RPGRIP1L: variants seen among roughly 807,000 people sequenced by gnomAD.
The protein encoded by RPGRIP1L is protein fantom.
A neutral mutation model predicts 160.4 loss-of-function variants in RPGRIP1L; 131 were observed. The ratio of observed to expected loss-of-function variants is 0.82; its 90% CI spans 0.71 to 0.94. The LOEUF is 0.94. RPGRIP1L is among the 40% of genes least tolerant of loss of function. The pLI, the probability that RPGRIP1L is intolerant of heterozygous loss-of-function variation, is 0.00. For missense variants in RPGRIP1L, 1,522 were observed against 1,535.8 expected (o/e 0.99, Z 0.15); for synonymous variants, 510 against 515.8 (o/e 0.99, Z 0.15).
In RPGRIP1L at chr16:53,692,089, C is replaced by A. The variant is rs576414226; in HGVS notation, c.506G>T (p.Gly169Val). 1 of 1,614,032 alleles carries A rather than the reference C, an allele frequency of 6.2e-7. No homozygotes were observed. Among genetic ancestry groups the A allele is most frequent in the African/African-American group, 1.3e-5 (1 of 74,996 alleles). ...TGRRKANENA[G>V]LQECPRKGIK... ...ACCTTTCCTGGGGCATTCCTGTAAA[C>A]CAGCATTTTCATTTGCTTTTCTACG... The change falls in exon 4 of 27, where the codon GGT (glycine) becomes GTT (valine). Residue 169 changes from glycine (G) to valine (V), a missense_variant. Physicochemically the swap from Gly to Val is moderately radical, Grantham distance 109. Transcript: ENST00000647211.
rs773558676 is a variant in RPGRIP1L, at chr16:53,696,241, C to G, written c.140G>C (p.Arg47Pro). 1.2e-6 allele frequency: 2 copies of G among 1,614,020 alleles called. No homozygotes were observed. Among genetic ancestry groups the G allele is most frequent in the Non-Finnish European group, 1.7e-6 (2 of 1,179,964 alleles). ...KSRQAVSRVS[R>P]EELEDRFLRL... ...CAAAAATCTGTCTTCCAGTTCCTCA[C>G]GACTGACACGTGACACTGCCTGGCG... The change falls in exon 3 of 27, where the codon CGT (arginine) becomes CCT (proline). Residue 47 changes from arginine (R) to proline (P), a missense_variant. Coordinates refer to ENST00000647211, the MANE Select transcript of RPGRIP1L (RefSeq NM_015272.5).
chr16:53,656,557 T>A lies in RPGRIP1L; in HGVS notation c.1614A>T (p.Glu538Asp). ...MEVEAVTRKM[E>D]NLQQDYELKV... The stretch of plus-strand genomic sequence containing the variant: ...TGAGTTCATAATCTTGCTGCAAATT[T>A]TCCATCTTACGGGTCACTGCCTCAA... Residue 538 changes from glutamate (E) to aspartate (D), a missense_variant, in exon 14 of 27, where the codon GAA (glutamate) becomes GAT (aspartate). By Grantham distance (45) the Glu-to-Asp change is conservative. Coordinates refer to ENST00000647211, the MANE Select transcript of RPGRIP1L (RefSeq NM_015272.5). The A allele has an allele frequency of 6.2e-7, 1 of 1,613,956 alleles. No homozygotes were observed. Among genetic ancestry groups the A allele is most frequent in the Non-Finnish European group, 8.5e-7 (1 of 1,179,864 alleles).
At chr16:53,672,232 A>C (rs1968793458) in intron 8 of RPGRIP1L, among the ~76,000 whole-genome samples, 1 of 152,158 alleles carries the variant, frequency 6.6e-6, no homozygotes, top group African/African-American at 2.4e-5. Flanking sequence ...TTTATTCATA[A>C]GTATATTTTG....
chr16:53,666,149 A>C (rs1968229253), intron 9 of RPGRIP1L, among the ~76,000 whole-genome samples: 1 of 152,200 alleles, frequency 6.6e-6, no homozygotes, highest in Admixed American at 6.5e-5. Flanking sequence ...ACTAGTCTTC[A>C]GTTTTTATCC....
Position 53,692,355 on chromosome 16 carries a change from G to C in RPGRIP1L, c.240C>G (p.Thr80=), listed in dbSNP as rs368894452. 3.1e-6 allele frequency: 5 copies of C among 1,613,910 alleles called. No individual in the cohort carries two copies. The highest frequency in any genetic ancestry group is 1.7e-5 in the Admixed American group (1 of 60,016). Residue 80 remains threonine, a synonymous_variant, in exon 4 of 27, where the codon ACC becomes ACG. Coordinates refer to ENST00000647211, the MANE Select transcript of RPGRIP1L (RefSeq NM_015272.5). The part of the protein sequence containing the change: ...KQEDKIKRMA[T]KLIRLVNDKK... ...TGTCATTAACTAGCCGTATTAACTT[G>C]GTGGCCATTCTGGGGAAATAATAAA...
In RPGRIP1L at chr16:53,652,515, G is replaced by A. The variant is rs749149630; in HGVS notation, c.2152+20C>T. Reference sequence around the variant, plus strand: ...CCAAATTAGTAATTCAAACACCCAAGGCTTATACATTGTACTTACCAATCA... The same window carrying A: ...CCAAATTAGTAATTCAAACACCCAAAGCTTATACATTGTACTTACCAATCA... On this transcript the variant is annotated intron_variant, in intron 15 of 26. Transcript: ENST00000647211. 1 of 1,584,930 alleles carries A rather than the reference G, an allele frequency of 6.3e-7. No homozygotes were observed. The highest frequency in any genetic ancestry group is 1.1e-5 in the South Asian group (1 of 90,514).
Position 53,646,138 on chromosome 16 carries a change from A to C in RPGRIP1L, c.2305-135T>G. 3 of 778,922 alleles carry C rather than the reference A, an allele frequency of 3.9e-6. No individual in the cohort carries two copies. In the South Asian group the frequency reaches 5.0e-5, roughly 13 times the overall value. The allele number at this position is 778,922 out of a possible 1,614,324, so 48.3% of individuals were successfully genotyped here. ...TCACTTCATAATTTCTCAGTAAAAT[A>C]AACTTTTATTCTAATGGAAAATCAA... is the stretch of plus-strand genomic sequence containing the variant. On this transcript the variant is annotated intron_variant, in intron 16 of 26. Coordinates refer to ENST00000647211, the MANE Select transcript of RPGRIP1L (RefSeq NM_015272.5).
intron 26 of RPGRIP1L, among the ~76,000 whole-genome samples, chr16:53,604,513 T>G (rs150721162): frequency 6.6e-6 from 1 of 152,340 alleles, no homozygotes; most frequent in African/African-American, 2.4e-5. Context: ...TTTAAAAGTC[T>G]GATTAATAAA....
chr16:53,606,577 T>G (rs1963697916), intron 25 of RPGRIP1L, among the ~76,000 whole-genome samples: 1 of 152,190 alleles, frequency 6.6e-6, no homozygotes, highest in Non-Finnish European at 1.5e-5. Flanking sequence ...ATTCCTTTAC[T>G]AAGTCTCTGT....
At position 53,641,025 on chromosome 16, in the gene RPGRIP1L, C is replaced by G. The variant is rs769346320; in HGVS notation, c.2958+8G>C. The G allele has an allele frequency of 6.3e-7, 1 of 1,584,222 alleles. No homozygotes were observed. Among genetic ancestry groups the G allele is most frequent in the South Asian group, 1.1e-5 (1 of 90,580 alleles). On this transcript the variant is annotated splice_region_variant and intron_variant, in intron 19 of 26. Transcript: ENST00000647211. The stretch of plus-strand genomic sequence containing the variant: ...AAAAAATCAGTATTTTCAGTGTCTA[C>G]TACTTACATCACTCTGATGTGGCAT...
chr16:53,692,376 A>G lies in RPGRIP1L; in HGVS notation c.231-12T>C. 2.5e-6 allele frequency: 4 copies of G among 1,611,788 alleles called. No individual in the cohort carries two copies. The highest frequency in any genetic ancestry group is 3.4e-6 in the Non-Finnish European group (4 of 1,177,944). On this transcript the variant is annotated splice_polypyrimidine_tract_variant and intron_variant, in intron 3 of 26. Coordinates refer to ENST00000647211, the MANE Select transcript of RPGRIP1L (RefSeq NM_015272.5). Reference sequence around the variant, plus strand: ...ACTTGGTGGCCATTCTGGGGAAATAATAAAAAGATGAAAAGGAATGTGAGA... The same window carrying G: ...ACTTGGTGGCCATTCTGGGGAAATAGTAAAAAGATGAAAAGGAATGTGAGA...
intron 10 of RPGRIP1L, among the ~76,000 whole-genome samples, chr16:53,663,798 T>C (rs1212178090): frequency 6.6e-6 from 1 of 152,144 alleles, no homozygotes; most frequent in Non-Finnish European, 1.5e-5. Context: ...CTCCATTGAT[T>C]ATGTGTTCCA....
At chr16:53,648,270 C>T in intron 16 of RPGRIP1L, among the ~76,000 whole-genome samples, 1 of 151,814 alleles carries the variant, frequency 6.6e-6, no homozygotes, top group East Asian at 1.9e-4. Flanking sequence ...GAAATGCCAC[C>T]CTGAGGAATT....
At chr16:53,606,345 G>C (rs1274830609) in intron 25 of RPGRIP1L, among the ~76,000 whole-genome samples, 1 of 152,198 alleles carries the variant, frequency 6.6e-6, no homozygotes, top group Non-Finnish European at 1.5e-5. Flanking sequence ...CTTTTGATAT[G>C]TCTTGGCAGC....
chr16:53,654,032 C>T (rs977178862), intron 14 of RPGRIP1L, among the ~76,000 whole-genome samples: 3 of 152,092 alleles, frequency 2.0e-5, no homozygotes, highest in Non-Finnish European at 4.4e-5. Context: ...GGCGGAATCT[C>T]GGCTCACTGC....
Position 53,645,991 on chromosome 16 carries a change from C to A in RPGRIP1L, c.2317G>T (p.Ala773Ser), listed in dbSNP as rs1966520042. Residue 773 changes from alanine to serine, a missense_variant, in exon 17 of 27, where the codon GCA (alanine) becomes TCA (serine). Transcript: ENST00000647211. ...PEHMQSLSQQAPKTAQLSSTD... is the reference protein window; with the variant it reads ...PEHMQSLSQQSPKTAQLSSTD... The stretch of plus-strand genomic sequence containing the variant: ...GAACTGAGTTGAGCAGTTTTGGGTG[C>A]TTGCTGACTTAACTGGAAAAACATA... The A allele has an allele frequency of 6.2e-7, 1 of 1,613,868 alleles. No individual in the cohort carries two copies. The highest frequency in any genetic ancestry group is 1.3e-5 in the African/African-American group (1 of 74,874).
Position 53,700,664 on chromosome 16 carries a change from G to C in RPGRIP1L, c.60C>G (p.Asn20Lys). ...GDLPVKDTGL[N>K]LFGMGGLQET... ...CTTGTAACCCTCCCATTCCAAAGAG[G>C]TTTAGACCTGTATCTTTCACAGGCA... Residue 20 changes from asparagine (N) to lysine (K), a missense_variant, in exon 2 of 27, where the codon AAC becomes AAG. By Grantham distance (94) the Asn-to-Lys change is moderately conservative. Transcript: ENST00000647211. 6.2e-7 allele frequency: 1 copy of C among 1,613,362 alleles called. No homozygotes were observed. The highest frequency in any genetic ancestry group is 1.1e-5 in the South Asian group (1 of 90,894).
intron 10 of RPGRIP1L, among the ~76,000 whole-genome samples, chr16:53,661,058 G>A (rs1243427266): frequency 6.6e-6 from 1 of 151,972 alleles, no homozygotes; most frequent in Non-Finnish European, 1.5e-5. Context: ...CACTTTGGGA[G>A]GCAGAGGTGG....
chr16:53,641,634 C>T (rs1319553518), intron 17 of RPGRIP1L, among the ~76,000 whole-genome samples, 159 bp from the exon 18 acceptor site: 5 of 152,176 alleles, frequency 3.3e-5, no homozygotes, highest in Non-Finnish European at 1.5e-5. Context: ...TTTTGGCTTT[C>T]ACTCAGAATT....
Sources: gnomAD v4.1 joint callset for allele counts (sites outside exome capture counted in the v4.1 genomes callset) on GRCh38, gnomAD v4.1.1 for gene constraint, MANE v1.5 for transcripts, NCBI Gene and HGNC (gene_info 2026-07-23, HGNC 2026-07-21) for gene names.